The following TDG variants were observed in gnomAD, a reference collection of about 807,000 sequenced individuals.
TDG encodes the protein thymine DNA glycosylase.
A neutral mutation model predicts 46.1 loss-of-function variants in TDG; 23 were observed. That is an observed-to-expected ratio of 0.50 (90% CI 0.36 to 0.71). The LOEUF (loss-of-function observed/expected upper bound fraction) is 0.71. Ranked by LOEUF, TDG falls within the 30% of genes least tolerant of loss-of-function variation. The probability of loss-of-function intolerance (pLI) is 0.00; values close to 1 mark genes in which losing one functional copy is unlikely to be tolerated. For synonymous variants in TDG, 115 were observed against 161.3 expected, an observed-to-expected ratio of 0.71 and a Z score of 2.18; for missense variants, 304 against 486.7, an observed-to-expected ratio of 0.62 and a Z score of 3.53.
intron 1 of TDG, among the ~76,000 whole-genome samples, chr12:103,970,024 A>G (rs529587281): frequency 2.3e-4 from 35 of 152,356 alleles, no homozygotes; most frequent in African/African-American, 7.9e-4. Context: ...CCATCTAGCA[A>G]TACCAAATGG....
rs1871360385 is a variant in TDG, at chr12:103,973,180, G to A, written c.24-3738G>A. The A allele has an allele frequency of 3.4e-5, 21 of 614,016 alleles. No homozygotes were observed. In the South Asian group the frequency reaches 3.6e-4, roughly 11 times the overall value. 38.0% of individuals were successfully genotyped at this position (614,016 alleles called of 1,614,324 possible). On this transcript the variant is annotated intron_variant, in intron 1 of 9. Coordinates refer to ENST00000392872, the MANE Select transcript of TDG (RefSeq NM_003211.6). ...GCTCACCACAACCTCCACCTCCTGG[G>A]TTCAAGCGATTCTCCTACCTCAGCA...
At chr12:103,979,105 C>CTTT (rs1328105259) in intron 2 of TDG, among the ~76,000 whole-genome samples, 1 of 26,062 alleles carries the variant, frequency 3.8e-5, no homozygotes, top group Non-Finnish European at 7.1e-5. Flanking sequence ...TTTCTTTTTT[C>CTTT]TTTCTTTTTT....
chr12:103,985,088 AGTAT>A (rs1872062378), intron 8 of TDG, among the ~76,000 whole-genome samples, 168 bp downstream of exon 8: 4 of 145,592 alleles, frequency 2.7e-5, no homozygotes, highest in Admixed American at 1.4e-4. Context: ...TATACACATA[AGTAT>A]GTATGTCTAT....
At chr12:103,981,377 A>G (rs1871824983) in intron 4 of TDG, among the ~76,000 whole-genome samples, 1 of 151,656 alleles carries the variant, frequency 6.6e-6, no homozygotes, top group African/African-American at 2.4e-5. Flanking sequence ...CTGGGATTAC[A>G]GGCATGTACC....
chr12:103,985,584 C>T lies in TDG; in HGVS notation c.965-19C>T, dbSNP rs373222809. 994 of 1,259,376 alleles carry T rather than the reference C, an allele frequency of 7.9e-4. No individual in the cohort carries two copies. Among genetic ancestry groups the T allele is most frequent in the Non-Finnish European group, 9.7e-4 (960 of 994,188 alleles). 78.0% of individuals were successfully genotyped at this position (1,259,376 alleles called of 1,614,324 possible). On this transcript the variant is annotated intron_variant, in intron 8 of 9. Transcript: ENST00000392872. Reference sequence around the variant, plus strand: ...TGTTGTACAAAATCAGATTTAAATCCTTTTTACCTTCCTCACAGAGGATGC... The same window carrying T: ...TGTTGTACAAAATCAGATTTAAATCTTTTTTACCTTCCTCACAGAGGATGC...
At chr12:103,974,048 C>G (rs1192628217) in intron 1 of TDG, among the ~76,000 whole-genome samples, 2 of 152,184 alleles carry the variant, frequency 1.3e-5, no homozygotes, top group African/African-American at 4.8e-5. Context: ...GGAAATGCCT[C>G]TCCAGTGGTT....
intron 1 of TDG, chr12:103,968,098 T>A (rs1871136838): frequency 6.6e-6 from 1 of 152,160 alleles, no homozygotes; most frequent in Admixed American, 6.6e-5. Flanking sequence ...GTGCTGGGAT[T>A]ACAAGCATGA....
At chr12:103,973,585 C>G (rs529851761) in intron 1 of TDG, among the ~76,000 whole-genome samples, 1 of 152,288 alleles carries the variant, frequency 6.6e-6, no homozygotes, top group South Asian at 2.1e-4. Context: ...TCCAACTCAT[C>G]ATTAGAATAT....
At position 103,979,767 on chromosome 12, in the gene TDG, G is replaced by A. The variant is rs1871730200; in HGVS notation, c.167-64G>A. On this transcript the variant is annotated intron_variant, in intron 2 of 9. Coordinates refer to ENST00000392872, the MANE Select transcript of TDG (RefSeq NM_003211.6). The stretch of plus-strand genomic sequence containing the variant: ...AAGGTGCTAGTTGGGTAACTTTTCT[G>A]GGAAAGCTGCTAAAGTTTCTAAGTT... 10 of 1,520,212 alleles carry A rather than the reference G, an allele frequency of 6.6e-6. No individual in the cohort carries two copies. The East Asian group carries it at 2.3e-4, about 35-fold the overall frequency. 94.2% of individuals were successfully genotyped at this position (1,520,212 alleles called of 1,614,324 possible).
At chr12:103,979,489 TTATG>T (rs1173672125) in intron 2 of TDG, among the ~76,000 whole-genome samples, 1 of 152,192 alleles carries the variant, frequency 6.6e-6, no homozygotes, top group Non-Finnish European at 1.5e-5. Flanking sequence ...ATTTAATTAT[TTATG>T]TATTTACATT....
intron 2 of TDG, among the ~76,000 whole-genome samples, chr12:103,978,434 A>G (rs1403947673): frequency 6.6e-6 from 1 of 152,198 alleles, no homozygotes; most frequent in Non-Finnish European, 1.5e-5. Flanking sequence ...ACAGTATTTT[A>G]TGAGAAATGT....
At chr12:103,974,448 T>C (rs4135077) in intron 1 of TDG, among the ~76,000 whole-genome samples, 13,374 of 151,990 alleles carry the variant, frequency 0.088, 776 homozygotes, top group East Asian at 0.31. Context: ...AGCTAATGTT[T>C]TAAAATTTTT....
Position 103,969,247 on chromosome 12 carries a change from C to T in TDG, c.23+3187C>T, listed in dbSNP as rs1021768069. Among the ~76,000 whole-genome samples the T allele has an allele frequency of 1.3e-4, 20 of 152,298 alleles. 1 individual carries two copies. The South Asian group carries it at 1.7e-3, about 13-fold the overall frequency. On this transcript the variant is annotated intron_variant, in intron 1 of 9. Transcript: ENST00000392872. ...GGGCATAAAGAGATTAAGGAACTTG[C>T]CCACAGAGCTAGTAAATGGGAGAGC...
intron 2 of TDG, among the ~76,000 whole-genome samples, chr12:103,978,604 T>C (rs1871652960): frequency 6.6e-6 from 1 of 152,182 alleles, no homozygotes; most frequent in Non-Finnish European, 1.5e-5. Flanking sequence ...GCCTGTATCC[T>C]GCGAGGCTTG....
intron 1 of TDG, among the ~76,000 whole-genome samples, chr12:103,970,322 T>G (rs188649886): frequency 6.6e-6 from 1 of 151,806 alleles, no homozygotes; most frequent in African/African-American, 2.4e-5. Flanking sequence ...TACAAAAAAT[T>G]TAAAATTTAG....
At chr12:103,976,410 A>C (rs879539718) in intron 1 of TDG, among the ~76,000 whole-genome samples, 27 of 130,406 alleles carry the variant, frequency 2.1e-4, no homozygotes, top group South Asian at 1.6e-3. Flanking sequence ...CTGTCTCCCC[A>C]CACACACACA....
intron 7 of TDG, 121 bp from the exon 8 acceptor site, chr12:103,984,628 T>C: frequency 1.4e-6 from 1 of 697,666 alleles, no homozygotes. Flanking sequence ...GATTTTTACA[T>C]ATATTTATAT....
intron 1 of TDG, among the ~76,000 whole-genome samples, chr12:103,970,064 A>G (rs139748333): frequency 1.5e-3 from 230 of 152,348 alleles, no homozygotes; most frequent in African/African-American, 5.1e-3. Context: ...TCGCATCATA[A>G]TTTACATAAC....
chr12:103,986,727 A>T (rs1872171966), intron 9 of TDG: 1 of 423,068 alleles, frequency 2.4e-6, no homozygotes, highest in Non-Finnish European at 4.3e-6. Flanking sequence ...AGAAAAAAAA[A>T]AACTTCAAAT....
Sources: gnomAD v4.1 joint callset for allele counts (sites outside exome capture counted in the v4.1 genomes callset) on GRCh38, gnomAD v4.1.1 for gene constraint, MANE v1.5 for transcripts, NCBI Gene and HGNC (gene_info 2026-07-23, HGNC 2026-07-21) for gene names.